Variants in KCNMA1 observed in about 807,000 individuals in gnomAD.
KCNMA1 encodes potassium calcium-activated channel subfamily M alpha 1.
KCNMA1 carries 29 observed loss-of-function variants against 140.0 expected under a neutral mutation model. The ratio of observed to expected loss-of-function variants is 0.21; its 90% CI spans 0.15 to 0.28. The LOEUF is 0.28. Ranked by LOEUF, KCNMA1 falls within the 10% of genes least tolerant of loss-of-function variation. The pLI is 1.00. For synonymous variants in KCNMA1, 612 were observed against 611.9 expected (o/e 1.00, Z 0.00); for missense variants, 880 against 1,602.2 (o/e 0.55, Z 7.70).
At chr10:77,616,913 T>C (rs756518822) in intron 1 of KCNMA1, among the ~76,000 whole-genome samples, 18 of 152,096 alleles carry the variant, frequency 1.2e-4, no homozygotes, top group Non-Finnish European at 2.5e-4. Context: ...AGAGGTGAAG[T>C]GGCTTGCCCA....
At chr10:77,099,834 A>G (rs1595924052) in intron 9 of KCNMA1, among the ~76,000 whole-genome samples, 1 of 152,210 alleles carries the variant, frequency 6.6e-6, no homozygotes, top group East Asian at 1.9e-4. Context: ...ACATCAGCGG[A>G]TTCCCAACCC....
intron 12 of KCNMA1, chr10:77,079,769 C>G: frequency 1.7e-6 from 1 of 587,200 alleles, no homozygotes; most frequent in South Asian, 1.9e-5. Flanking sequence ...CAGCAGTGTG[C>G]CCTGTCAGTT....
chr10:77,496,930 T>C (rs2042169965), intron 1 of KCNMA1, among the ~76,000 whole-genome samples: 1 of 152,114 alleles, frequency 6.6e-6, no homozygotes. Flanking sequence ...TACCAGCCCC[T>C]ACCCACACTA....
rs567445602 is a variant in KCNMA1, at chr10:77,615,770, T to C, written c.378+21495A>G. Among the ~76,000 whole-genome samples the C allele has an allele frequency of 3.6e-4, 55 of 152,284 alleles. 2 individuals carry two copies. In the South Asian group the frequency reaches 0.011, roughly 30 times the overall value. ...TACTTTCTGCCTCCATCTTTAGCAC[T>C]ACCTCACTGTCCGTCTTGGTGCTCA... On this transcript the variant is annotated intron_variant, in intron 1 of 27. Coordinates refer to ENST00000286628, the MANE Select transcript of KCNMA1 (RefSeq NM_001161352.2).
At chr10:77,320,916 T>G (rs1246899435) in intron 2 of KCNMA1, among the ~76,000 whole-genome samples, 1 of 152,202 alleles carries the variant, frequency 6.6e-6, no homozygotes. Context: ...GAATCTGTGC[T>G]GTTGAGCTGA....
chr10:77,375,980 G>A (rs892809267), intron 2 of KCNMA1, among the ~76,000 whole-genome samples: 12 of 152,272 alleles, frequency 7.9e-5, no homozygotes, highest in African/African-American at 2.4e-4. Flanking sequence ...ACTCAACTTC[G>A]TGTCAGAGCT....
intron 2 of KCNMA1, among the ~76,000 whole-genome samples, chr10:77,303,892 C>T (rs537432228): frequency 6.6e-5 from 10 of 152,214 alleles, no homozygotes; most frequent in Non-Finnish European, 1.5e-4. Flanking sequence ...TTGTCAGCTC[C>T]GTCCTCTACT....
At chr10:77,335,012 T>C (rs2088279588) in intron 2 of KCNMA1, among the ~76,000 whole-genome samples, 1 of 152,092 alleles carries the variant, frequency 6.6e-6, no homozygotes, top group African/African-American at 2.4e-5. Context: ...ACTGGCCACA[T>C]ATTGGACCCT....
chr10:77,102,498 G>C (rs528363971), intron 9 of KCNMA1, among the ~76,000 whole-genome samples: 1 of 152,344 alleles, frequency 6.6e-6, no homozygotes, highest in African/African-American at 2.4e-5. Flanking sequence ...AGATACGCAG[G>C]ATGCCATCTC....
At chr10:77,212,894 A>G (rs1228346174) in intron 3 of KCNMA1, among the ~76,000 whole-genome samples, 2 of 152,148 alleles carry the variant, frequency 1.3e-5, no homozygotes, top group African/African-American at 4.8e-5. Context: ...ATTATCCTTA[A>G]AGATCTATCC....
Sources: allele counts gnomAD v4.1 joint callset (sites outside exome capture counted in the v4.1 genomes callset), GRCh38; gene constraint gnomAD v4.1.1; transcripts MANE v1.5; gene names NCBI Gene and HGNC (gene_info 2026-07-23, HGNC 2026-07-21).